The following SLC35F3 variants were observed in gnomAD, a reference collection of about 807,000 sequenced individuals.
SLC35F3 encodes the protein solute carrier family 35 member F3, also known as putative thiamine transporter SLC35F3.
SLC35F3 carries 25 observed loss-of-function variants against 49.9 expected under a neutral mutation model. That is an observed-to-expected ratio of 0.50 (90% confidence interval 0.37 to 0.70). The LOEUF (loss-of-function observed/expected upper bound fraction) is 0.70, where lower values mean the gene tolerates loss of function less well. SLC35F3 is among the 30% of genes least tolerant of loss of function. The pLI, the probability that SLC35F3 is intolerant of heterozygous loss-of-function variation, is 0.00. For missense variants in SLC35F3, 525 were observed against 639.8 expected, an observed-to-expected ratio of 0.82 and a Z score of 1.94; for synonymous variants, 275 against 265.4, an observed-to-expected ratio of 1.04 and a Z score of -0.35.
At chr1:234,125,028 T>C (rs1453035354) in intron 2 of SLC35F3, among the ~76,000 whole-genome samples, 1 of 152,232 alleles carries the variant, frequency 6.6e-6, no homozygotes, top group Admixed American at 6.5e-5. Flanking sequence ...TGCCAGATTC[T>C]AGGCATTGTG....
Position 233,904,934 on chromosome 1 carries a change from A to G in SLC35F3, c.-144A>G. 1 of 882,236 alleles carries G rather than the reference A, an allele frequency of 1.1e-6. No individual in the cohort carries two copies. Among genetic ancestry groups the G allele is most frequent in the African/African-American group, 1.8e-5 (1 of 55,250 alleles). The allele number at this position is 882,236 out of a possible 1,614,324, so 54.7% of individuals were successfully genotyped here. A position where few individuals can be genotyped will look rare whatever the true frequency, so the allele number is the denominator to read the frequency against. ...GGTACAGACCGCGCGGGCGCGCACAAAGCGGCCCGGGGCGGCCGGCGCGGC... is the reference window on the plus strand; with the variant it reads ...GGTACAGACCGCGCGGGCGCGCACAGAGCGGCCCGGGGCGGCCGGCGCGGC... On this transcript the variant is annotated 5_prime_UTR_variant, in exon 1 of 8. Coordinates refer to ENST00000366618, the MANE Select transcript of SLC35F3 (RefSeq NM_173508.4).
chr1:234,150,000 T>C (rs1428098429), intron 2 of SLC35F3, among the ~76,000 whole-genome samples: 2 of 152,174 alleles, frequency 1.3e-5, no homozygotes, highest in African/African-American at 4.8e-5. Flanking sequence ...GTTGATCCCT[T>C]GCCATAGAAA....
intron 1 of SLC35F3, 103 bp from the exon 2 acceptor site, chr1:233,905,426 C>T (rs1661757470): frequency 3.3e-6 from 3 of 915,120 alleles, no homozygotes; most frequent in Non-Finnish European, 4.9e-6. Context: ...AGGGCCCCGG[C>T]CGCGCTCTTG....
chr1:233,953,216 A>T (rs2102806120), intron 2 of SLC35F3, among the ~76,000 whole-genome samples: 1 of 152,358 alleles, frequency 6.6e-6, no homozygotes, highest in South Asian at 2.1e-4. Context: ...TAGGACTGCA[A>T]AGAAAAGATA....
chr1:234,135,172 G>A (rs1482548869), intron 2 of SLC35F3, among the ~76,000 whole-genome samples: 2 of 152,164 alleles, frequency 1.3e-5, no homozygotes, highest in Non-Finnish European at 2.9e-5. Flanking sequence ...AGGTGGAAAG[G>A]CTATACAGTG....
intron 3 of SLC35F3, among the ~76,000 whole-genome samples, chr1:234,304,045 CT>C (rs1668735120): frequency 6.1e-5 from 1 of 16,392 alleles, no homozygotes; most frequent in Admixed American, 5.2e-4. Flanking sequence ...TTCCTTCCTT[CT>C]TTCTTTCCTT....
intron 2 of SLC35F3, among the ~76,000 whole-genome samples, chr1:234,003,223 A>G (rs905162772): frequency 2.6e-5 from 4 of 152,192 alleles, no homozygotes; most frequent in Non-Finnish European, 4.4e-5. Context: ...GATAAGAAAT[A>G]TATGAAATAT....
At chr1:234,317,225 C>CT (rs1210201481) in intron 5 of SLC35F3, among the ~76,000 whole-genome samples, 4 of 152,214 alleles carry the variant, frequency 2.6e-5, no homozygotes, top group African/African-American at 9.7e-5. Flanking sequence ...AGTACAACGG[C>CT]TGTAATACGG....
At chr1:234,182,303 A>C (rs1666569812) in intron 2 of SLC35F3, among the ~76,000 whole-genome samples, 1 of 152,156 alleles carries the variant, frequency 6.6e-6, no homozygotes, top group Non-Finnish European at 1.5e-5. Flanking sequence ...TGATTGATTG[A>C]TTGATTGATC....
rs547818913 is a variant in SLC35F3, at chr1:234,053,211, T to G, written c.283+147453T>G. 4.6e-5 allele frequency among the ~76,000 whole-genome samples: 7 copies of G among 152,314 alleles called. No individual in the cohort carries two copies. The South Asian group carries it at 1.2e-3, about 27-fold the overall frequency. ...ATATCCTTGTTAACTTTCTGTCTCG[T>G]TGATCTGTCTAATGTTGACAGTGGG... On this transcript the variant is annotated intron_variant, in intron 2 of 7. Transcript: ENST00000366618.
rs368205167 is a variant in SLC35F3 at position 234,229,815 on chromosome 1, A to C, written c.284-1602A>C. On this transcript the variant is annotated intron_variant, in intron 2 of 7. Transcript: ENST00000366618. Reference sequence around the variant, plus strand: ...AATCCGTGTGTAAATTGAAATGTGCATGCTTCTGTCTGAAACTGCAATTGC... The same window carrying C: ...AATCCGTGTGTAAATTGAAATGTGCCTGCTTCTGTCTGAAACTGCAATTGC... Among the ~76,000 whole-genome samples, 6 of 152,362 alleles carry C rather than the reference A, an allele frequency of 3.9e-5. No individual in the cohort carries two copies. In the East Asian group the frequency reaches 5.8e-4, roughly 15 times the overall value.
chr1:234,231,804 G>T lies in SLC35F3; in HGVS notation c.608+63G>T. On this transcript the variant is annotated intron_variant, in intron 3 of 7. Coordinates refer to ENST00000366618, the MANE Select transcript of SLC35F3 (RefSeq NM_173508.4). The surrounding 1 kb of genome is among the most constrained non-coding windows in gnomAD (Gnocchi z 5.4). ...GGCTGCTCCATCCAGCGCTGACTCT[G>T]CAGAGCTGCCCCTGGTGGCAGGCGC... 6.9e-7 allele frequency: 1 copy of T among 1,453,552 alleles called. No homozygotes were observed. Among genetic ancestry groups the T allele is most frequent in the East Asian group, 2.3e-5 (1 of 43,702 alleles). 90.0% of individuals were successfully genotyped at this position (1,453,552 alleles called of 1,614,324 possible). A position where few individuals can be genotyped will look rare whatever the true frequency, so the allele number is the denominator to read the frequency against.
At chr1:234,063,804 C>T (rs533251581) in intron 2 of SLC35F3, among the ~76,000 whole-genome samples, 35 of 152,282 alleles carry the variant, frequency 2.3e-4, no homozygotes, top group Admixed American at 1.5e-3. Context: ...GCCACAATCC[C>T]AGCATGGAGG....
chr1:233,925,654 T>G (rs2102790487), intron 2 of SLC35F3, among the ~76,000 whole-genome samples: 1 of 152,342 alleles, frequency 6.6e-6, no homozygotes, highest in South Asian at 2.1e-4. Context: ...TATTGTTATG[T>G]GTGAATTTGA....
chr1:234,181,388 A>G (rs948141579), intron 2 of SLC35F3, among the ~76,000 whole-genome samples: 4 of 152,074 alleles, frequency 2.6e-5, no homozygotes, highest in African/African-American at 7.2e-5. Flanking sequence ...AAAAGAGAGA[A>G]AAAAGAATAA....
chr1:234,167,731 G>A (rs1364657012), intron 2 of SLC35F3, among the ~76,000 whole-genome samples: 1 of 152,134 alleles, frequency 6.6e-6, no homozygotes, highest in African/African-American at 2.4e-5. Flanking sequence ...CATGTGCCGA[G>A]AAATCATATC....
At position 234,140,366 on chromosome 1, in the gene SLC35F3, T is replaced by C. The variant is rs1437818591; in HGVS notation, c.284-91051T>C. On this transcript the variant is annotated intron_variant, in intron 2 of 7. Coordinates refer to ENST00000366618, the MANE Select transcript of SLC35F3 (RefSeq NM_173508.4). ...GAATATATTCACATAAATTTTATTA[T>C]AGGATATTATTATATTTGTTCTATT... Among the ~76,000 whole-genome samples the C allele has an allele frequency of 2.0e-5, 3 of 152,200 alleles. No homozygotes were observed. In the East Asian group the frequency reaches 5.8e-4, roughly 29 times the overall value.
At chr1:234,088,342 G>A (rs761189202) in intron 2 of SLC35F3, among the ~76,000 whole-genome samples, 1 of 152,134 alleles carries the variant, frequency 6.6e-6, no homozygotes, top group Non-Finnish European at 1.5e-5. Context: ...CAAGTAGCTG[G>A]GATTACAGGC....
intron 2 of SLC35F3, among the ~76,000 whole-genome samples, chr1:233,979,775 G>T (rs1663150573): frequency 6.6e-6 from 1 of 152,218 alleles, no homozygotes; most frequent in Non-Finnish European, 1.5e-5. Flanking sequence ...GGCTGCACCG[G>T]TCTGATGCAG....
Sources: allele counts gnomAD v4.1 joint callset (sites outside exome capture counted in the v4.1 genomes callset), GRCh38; gene constraint gnomAD v4.1.1; non-coding constraint Gnocchi (gnomAD v3.1); transcripts MANE v1.5; gene names NCBI Gene and HGNC (gene_info 2026-07-23, HGNC 2026-07-21).